EFHC1: variants seen among roughly 807,000 people sequenced by gnomAD.
EFHC1 encodes EF-hand domain containing 1, also known as EF-hand domain-containing protein 1.
A neutral mutation model predicts 69.9 loss-of-function variants in EFHC1; 53 were observed. That is an observed-to-expected ratio of 0.76 (90% CI 0.61 to 0.95). The LOEUF is 0.95. Ranked by LOEUF, EFHC1 falls within the 40% of genes least tolerant of loss-of-function variation. EFHC1 has a pLI of 0.00. For synonymous variants in EFHC1, 256 were observed against 278.4 expected (o/e 0.92, Z 0.80); for missense variants, 739 against 798.7 (o/e 0.93, Z 0.90).
At chr6:52,430,154 AAC>A (rs1764385701) in intron 2 of EFHC1, 1 of 152,206 alleles carries the variant, frequency 6.6e-6, no homozygotes, top group Admixed American at 6.5e-5. Context: ...ATCATCAGTG[AAC>A]AGTGACAGTT....
chr6:52,491,041 C>T (rs1437221353), intron 10 of EFHC1: 2 of 152,184 alleles, frequency 1.3e-5, no homozygotes, highest in Non-Finnish European at 2.9e-5. Flanking sequence ...ATCTTTTAGC[C>T]AAAACAGGTG....
chr6:52,469,222 AT>A, intron 6 of EFHC1, 110 bp from the exon 7 acceptor site: 1 of 1,359,540 alleles, frequency 7.4e-7, no homozygotes, highest in Non-Finnish European at 1.0e-6. Flanking sequence ...TGTAGAAAAT[AT>A]ATTTGCATAA....
At chr6:52,491,331 G>A (rs1442328737) in intron 10 of EFHC1, among the ~76,000 whole-genome samples, 1 of 152,218 alleles carries the variant, frequency 6.6e-6, no homozygotes, top group Non-Finnish European at 1.5e-5. Flanking sequence ...GGAAGTGGGG[G>A]TGGGACAGAT....
At chr6:52,470,063 T>C (rs1172731371) in intron 7 of EFHC1, among the ~76,000 whole-genome samples, 1 of 152,204 alleles carries the variant, frequency 6.6e-6, no homozygotes, top group Non-Finnish European at 1.5e-5. Flanking sequence ...ACCTAACCAT[T>C]TTATTAGAAA....
intron 9 of EFHC1, chr6:52,482,563 C>T (rs1207095679): frequency 1.4e-5 from 5 of 367,920 alleles, no homozygotes; most frequent in African/African-American, 4.2e-5. Context: ...GCAGACTGAA[C>T]GTCTGTTCTG....
At chr6:52,461,670 A>G (rs1030779562) in intron 5 of EFHC1, among the ~76,000 whole-genome samples, 1 of 152,146 alleles carries the variant, frequency 6.6e-6, no homozygotes, top group Non-Finnish European at 1.5e-5. Context: ...GTTTGAACTC[A>G]TTTACCCTCC....
At chr6:52,431,615 GC>G (rs1764415573) in intron 2 of EFHC1, among the ~76,000 whole-genome samples, 1 of 152,024 alleles carries the variant, frequency 6.6e-6, no homozygotes, top group African/African-American at 2.4e-5. Context: ...TAATTTTGTG[GC>G]CTATCATATG....
chr6:52,448,378 G>C (rs1311930359), intron 3 of EFHC1, among the ~76,000 whole-genome samples: 2 of 152,216 alleles, frequency 1.3e-5, no homozygotes, highest in African/African-American at 2.4e-5. Flanking sequence ...AGCCAGGTGC[G>C]GGATATAATC....
At chr6:52,421,134 T>G (rs1475229720) in intron 1 of EFHC1, 1 of 849,216 alleles carries the variant, frequency 1.2e-6, no homozygotes, top group East Asian at 1.2e-4. Flanking sequence ...TTCTACATTT[T>G]CCACAATTTA....
At position 52,469,999 on chromosome 6, in the gene EFHC1, G is replaced by A. The variant is rs146698419; in HGVS notation, c.1278+526G>A. Among the ~76,000 whole-genome samples, 844 of 152,170 alleles carry A rather than the reference G, an allele frequency of 5.5e-3. 8 individuals carry two copies. Among genetic ancestry groups the A allele is most frequent in the African/African-American group, 0.019 (794 of 41,522 alleles). The stretch of plus-strand genomic sequence containing the variant: ...GCAGAATTGTATGAGAGAAGTTGCT[G>A]ATAGAAATTCAAAGTGTAAGGTCTT... On this transcript the variant is annotated intron_variant, in intron 7 of 10. Transcript: ENST00000371068.
chr6:52,459,661 T>TTTTGTTTG (rs546127402), intron 5 of EFHC1, among the ~76,000 whole-genome samples: 1 of 149,946 alleles, frequency 6.7e-6, no homozygotes, highest in Non-Finnish European at 1.5e-5. Flanking sequence ...GGTTTTTTTG[T>TTTTGTTTG]TTTGTTTGTT....
chr6:52,467,314 T>G (rs1765329744), intron 6 of EFHC1, among the ~76,000 whole-genome samples: 1 of 152,004 alleles, frequency 6.6e-6, no homozygotes, highest in Non-Finnish European at 1.5e-5. Flanking sequence ...CCCCAGTAGC[T>G]GGGACTACAG....
At chr6:52,446,389 T>C (rs1165873298) in intron 3 of EFHC1, among the ~76,000 whole-genome samples, 6 of 151,960 alleles carry the variant, frequency 3.9e-5, no homozygotes, top group Admixed American at 2.6e-4. Context: ...CAACCCCTGC[T>C]TTTTTTTGTT....
Position 52,479,378 on chromosome 6 carries a change from G to A in EFHC1, c.1492+128G>A, listed in dbSNP as rs928545249. The A allele has an allele frequency of 1.9e-5, 21 of 1,082,658 alleles. No homozygotes were observed. The South Asian group carries it at 2.6e-4, about 14-fold the overall frequency. 67.1% of individuals were successfully genotyped at this position (1,082,658 alleles called of 1,614,324 possible). ...CAACTGAGATAAAGCTACTATCCTT[G>A]TATATATGGTATAATGTGTTAATCG... On this transcript the variant is annotated intron_variant, in intron 8 of 10. Transcript: ENST00000371068.
chr6:52,426,253 T>C (rs1764298524), intron 2 of EFHC1, among the ~76,000 whole-genome samples: 1 of 152,220 alleles, frequency 6.6e-6, no homozygotes, highest in Non-Finnish European at 1.5e-5. Context: ...TAGCCAGTGC[T>C]GTCCTTTTAC....
intron 2 of EFHC1, 151 bp downstream of exon 2, chr6:52,424,318 C>T: frequency 2.6e-6 from 2 of 773,078 alleles, no homozygotes; most frequent in Non-Finnish European, 2.2e-6. Flanking sequence ...GACAGCTGAA[C>T]TCAGGCTAAA....
chr6:52,467,149 G>A (rs969219074), intron 6 of EFHC1, among the ~76,000 whole-genome samples: 2 of 150,896 alleles, frequency 1.3e-5, no homozygotes, highest in Admixed American at 6.6e-5. Flanking sequence ...TTACAACATA[G>A]TGATGCCCTT....
At position 52,438,364 on chromosome 6, in the gene EFHC1, AG is replaced by A. The variant is rs760974244; in HGVS notation, c.348del (p.Ile117SerfsTer4). On this transcript the variant is annotated frameshift_variant, in exon 3 of 11. Coordinates refer to ENST00000371068, the MANE Select transcript of EFHC1 (RefSeq NM_018100.4). LOFTEE classifies it high-confidence loss of function. ...TCCTATGTCAACTGAGGAACAGTAT[AG>A]GATCCGTCAGGTGAACATTTACTAT... ...DVPMSTEEQY[R>X]IRQVNIYYYL... 1.9e-6 allele frequency: 3 copies of A among 1,613,786 alleles called. No individual in the cohort carries two copies. In the African/African-American group the frequency reaches 4.0e-5, roughly 22 times the overall value.
chr6:52,430,955 A>G (rs1764400548), intron 2 of EFHC1, among the ~76,000 whole-genome samples: 1 of 152,076 alleles, frequency 6.6e-6, no homozygotes, highest in South Asian at 2.1e-4. Flanking sequence ...GAATTTATCT[A>G]TCTACTCTAG....
Sources: gnomAD v4.1 joint callset for allele counts (sites outside exome capture counted in the v4.1 genomes callset) on GRCh38, gnomAD v4.1.1 for gene constraint, MANE v1.5 for transcripts, NCBI Gene and HGNC (gene_info 2026-07-23, HGNC 2026-07-21) for gene names.